IKBIP: variants seen among roughly 807,000 people sequenced by gnomAD.
The protein encoded by IKBIP is IKBKB interacting protein.
Under a neutral mutation model 31.0 loss-of-function variants are expected in IKBIP, and 28 were observed. The observed-to-expected ratio is 0.90, with a 90% confidence interval of 0.67 to 1.24. IKBIP has a LOEUF of 1.24. IKBIP is among the 50% of genes most tolerant of loss of function. The pLI is 0.00. For synonymous variants in IKBIP, 164 were observed against 160.3 expected, an observed-to-expected ratio of 1.02 and a Z score of -0.17; for missense variants, 453 against 441.9, an observed-to-expected ratio of 1.03 and a Z score of -0.23.
At position 98,624,532 on chromosome 12, in the gene IKBIP, G is replaced by A; in HGVS notation, c.*1398C>T. On this transcript the variant is annotated 3_prime_UTR_variant, in exon 3 of 3. Coordinates refer to ENST00000299157, the MANE Select transcript of IKBIP (RefSeq NM_153687.4). ...TGACCACAACTACCTTTTTGTAACT[G>A]ACTGCTTTCAAGTTCTTTGTGTTTA... is the stretch of plus-strand genomic sequence containing the variant. 2 of 984,928 alleles carry A rather than the reference G, an allele frequency of 2.0e-6. No individual in the cohort carries two copies. Among genetic ancestry groups the A allele is most frequent in the Non-Finnish European group, 2.4e-6 (2 of 829,532 alleles). 61.0% of individuals were successfully genotyped at this position (984,928 alleles called of 1,614,324 possible).
chr12:98,629,074 A>C (rs940099952), intron 2 of IKBIP, among the ~76,000 whole-genome samples: 1 of 152,196 alleles, frequency 6.6e-6, no homozygotes, highest in African/African-American at 2.4e-5. Flanking sequence ...TCTAAATTTC[A>C]AAGGAGAAGA....
chr12:98,634,534 G>GTTTTT, intron 1 of IKBIP, 121 bp from the exon 2 acceptor site: 1 of 384,070 alleles, frequency 2.6e-6, no homozygotes, highest in Non-Finnish European at 4.7e-6. Context: ...GTAGCTGTAG[G>GTTTTT]TTTTTTTTTT....
downstream of IKBIP, among the ~76,000 whole-genome samples, chr12:98,623,045 T>G (rs1403040735): frequency 6.6e-6 from 1 of 150,890 alleles, no homozygotes; most frequent in African/African-American, 2.5e-5. Flanking sequence ...AATGGCGTGA[T>G]TTTGGCTCAC....
At chr12:98,641,799 C>T (rs1428393593) in intron 1 of IKBIP, among the ~76,000 whole-genome samples, 2 of 136,518 alleles carry the variant, frequency 1.5e-5, no homozygotes, top group Admixed American at 1.5e-4. Flanking sequence ...GGGACTACAG[C>T]GAATGCCACC....
At position 98,625,318 on chromosome 12, in the gene IKBIP, C is replaced by G. The variant is rs2097613272; in HGVS notation, c.*612G>C. 1.0e-6 allele frequency: 1 copy of G among 981,396 alleles called. No homozygotes were observed. The allele number at this position is 981,396 out of a possible 1,614,324, so 60.8% of individuals were successfully genotyped here. On this transcript the variant is annotated 3_prime_UTR_variant, in exon 3 of 3. Coordinates refer to ENST00000299157, the MANE Select transcript of IKBIP (RefSeq NM_153687.4). Reference sequence around the variant, plus strand: ...CCTTAACAAAAACTAAAATGTTTCCCAGGCTTTAGAGTTTTCAGAAAGTGC... The same window carrying G: ...CCTTAACAAAAACTAAAATGTTTCCGAGGCTTTAGAGTTTTCAGAAAGTGC...
At chr12:98,644,232 A>G (rs1351575877) in intron 1 of IKBIP, among the ~76,000 whole-genome samples, 1 of 152,202 alleles carries the variant, frequency 6.6e-6, no homozygotes, top group Non-Finnish European at 1.5e-5. Context: ...GAGCTTCAGA[A>G]AGCGTGGCCG....
At chr12:98,633,943 ATTT>A (rs2097623437) in intron 2 of IKBIP, among the ~76,000 whole-genome samples, 1 of 152,194 alleles carries the variant, frequency 6.6e-6, no homozygotes, top group South Asian at 2.1e-4. Flanking sequence ...GATCAACCAT[ATTT>A]TCAGATGAGA....
rs71432181 is a variant in IKBIP, at chr12:98,633,510, CTTTTTTT to C, written c.297+779_297+785del. 2.0e-3 allele frequency among the ~76,000 whole-genome samples: 123 copies of C among 61,390 alleles called. 2 individuals carry two copies. The highest frequency in any genetic ancestry group is 0.019 in the Middle Eastern group (1 of 54). The allele number at this position is 61,390 out of a possible 152,430, so 40.3% of individuals were successfully genotyped here. A position where few individuals can be genotyped will look rare whatever the true frequency, so the allele number is the denominator to read the frequency against. Reference sequence around the variant, plus strand: ...GCTAGCCGTTCTTTTTTTTTTAATTCTTTTTTTTTTTTTTTTTTTTTTTTGAGACGGA... The same window carrying C: ...GCTAGCCGTTCTTTTTTTTTTAATTCTTTTTTTTTTTTTTTTTGAGACGGA... On this transcript the variant is annotated intron_variant, in intron 2 of 2. Transcript: ENST00000299157.
intron 2 of IKBIP, among the ~76,000 whole-genome samples, chr12:98,614,855 GA>G (rs1356474489): frequency 6.6e-6 from 1 of 152,182 alleles, no homozygotes; most frequent in Non-Finnish European, 1.5e-5. Context: ...GAAACATTAA[GA>G]AAATTTCATG....
intron 2 of IKBIP, chr12:98,614,450 A>T: frequency 1.6e-6 from 1 of 616,552 alleles, no homozygotes; most frequent in Non-Finnish European, 2.5e-6. Flanking sequence ...TTTGAGACAG[A>T]GGCTTGTTCT....
chr12:98,620,844 C>T (rs193186673), downstream of IKBIP, among the ~76,000 whole-genome samples: 827 of 151,374 alleles, frequency 5.5e-3, 1 homozygote, highest in Non-Finnish European at 7.9e-3. Flanking sequence ...AGACCCTCAC[C>T]TCTACTTTTT....
downstream of IKBIP, among the ~76,000 whole-genome samples, chr12:98,621,270 A>C (rs898895022): frequency 6.6e-6 from 1 of 152,152 alleles, no homozygotes; most frequent in African/African-American, 2.4e-5. Context: ...CAAAACAAAA[A>C]AAACCTAAGC....
chr12:98,621,965 A>G (rs962722660), downstream of IKBIP, among the ~76,000 whole-genome samples: 2 of 151,674 alleles, frequency 1.3e-5, no homozygotes, highest in Non-Finnish European at 2.9e-5. Context: ...AGTCTCAGCT[A>G]CTCGGGAGGC....
At chr12:98,643,817 C>CT (rs1163038325) in intron 1 of IKBIP, among the ~76,000 whole-genome samples, 42,588 of 136,858 alleles carry the variant, frequency 0.31, 7,493 homozygotes, top group East Asian at 0.51. Flanking sequence ...ATATGGTTTT[C>CT]TTTTTTTTTT....
chr12:98,636,978 A>G (rs1406501493), intron 1 of IKBIP, among the ~76,000 whole-genome samples: 1 of 152,104 alleles, frequency 6.6e-6, no homozygotes, highest in African/African-American at 2.4e-5. Context: ...TTATTATCCA[A>G]TACTCCACCA....
chr12:98,626,423 C>T lies in IKBIP; in HGVS notation c.641G>A (p.Arg214Lys), dbSNP rs2097614430. ...TTCTTCTTCTTGTCTTTTTACTGTT[C>T]TAATATTTCTTAGTGTGCTATCTTC... is the stretch of plus-strand genomic sequence containing the variant. ...DLEDSTLRNIRTVKRQEEEDL... is the reference protein window; with the variant it reads ...DLEDSTLRNIKTVKRQEEEDL... Residue 214 changes from arginine (R) to lysine (K), a missense_variant, in exon 3 of 3, where the codon AGA becomes AAA. Physicochemically the swap from Arg to Lys is conservative, Grantham distance 26. Transcript: ENST00000299157. 1.2e-6 allele frequency: 2 copies of T among 1,613,284 alleles called. No homozygotes were observed. Among genetic ancestry groups the T allele is most frequent in the Non-Finnish European group, 1.7e-6 (2 of 1,180,006 alleles).
chr12:98,643,240 C>T (rs1009683199), intron 1 of IKBIP, among the ~76,000 whole-genome samples: 1 of 152,146 alleles, frequency 6.6e-6, no homozygotes, highest in Admixed American at 6.6e-5. Context: ...TGTGAGCCAC[C>T]GCGCCCAGCC....
chr12:98,623,560 CTTTTTTT>C (rs35433597), downstream of IKBIP, among the ~76,000 whole-genome samples: 164 of 64,226 alleles, frequency 2.6e-3, 5 homozygotes, highest in African/African-American at 0.012. Flanking sequence ...CCTCCTTACA[CTTTTTTT>C]TTTTTTTTTT....
chr12:98,632,527 A>G (rs1208449795), intron 2 of IKBIP, among the ~76,000 whole-genome samples: 1 of 72,366 alleles, frequency 1.4e-5, no homozygotes. Context: ...ATATATATAT[A>G]TATATATATA....
Sources: gnomAD v4.1 joint callset for allele counts (sites outside exome capture counted in the v4.1 genomes callset) on GRCh38, gnomAD v4.1.1 for gene constraint, MANE v1.5 for transcripts, NCBI Gene and HGNC (gene_info 2026-07-23, HGNC 2026-07-21) for gene names.